GSDME: variants seen among roughly 807,000 people sequenced by gnomAD.
The protein encoded by GSDME is gasdermin E, also known as gasdermin-E.
GSDME carries 44 observed loss-of-function variants against 47.5 expected under a neutral mutation model. That is an observed-to-expected ratio of 0.93 (90% CI 0.73 to 1.19). The LOEUF (loss-of-function observed/expected upper bound fraction) is 1.19. GSDME is among the 50% of genes most tolerant of loss of function. GSDME has a pLI of 0.00. For synonymous variants in GSDME, 258 were observed against 252.8 expected (o/e 1.02, Z -0.20); for missense variants, 663 against 604.2 (o/e 1.10, Z -1.02).
chr7:24,792,250 G>T, the GSDME span, among the ~76,000 whole-genome samples: 2 of 152,154 alleles, frequency 1.3e-5, no homozygotes, highest in African/African-American at 4.8e-5. Context: ...TGAATGTATG[G>T]TTTCAGGAAA....
At chr7:24,719,919 C>A (rs1216019081) in intron 3 of GSDME, among the ~76,000 whole-genome samples, 1 of 152,076 alleles carries the variant, frequency 6.6e-6, no homozygotes, top group African/African-American at 2.4e-5. Flanking sequence ...ACAGCCATGG[C>A]CCAGGGAATA....
the GSDME span, among the ~76,000 whole-genome samples, chr7:24,782,287 A>G: frequency 3.5e-5 from 5 of 142,778 alleles, no homozygotes; most frequent in African/African-American, 5.3e-5. Flanking sequence ...TCATTGTTCA[A>G]TTCCCACCTA....
At chr7:24,740,235 T>C (rs928355916) in intron 3 of GSDME, among the ~76,000 whole-genome samples, 3 of 152,050 alleles carry the variant, frequency 2.0e-5, no homozygotes, top group Non-Finnish European at 2.9e-5. Context: ...ATTAAAACAA[T>C]TGACCTCATG....
the GSDME span, among the ~76,000 whole-genome samples, chr7:24,765,967 T>A: frequency 6.6e-6 from 1 of 152,190 alleles, no homozygotes; most frequent in African/African-American, 2.4e-5. Flanking sequence ...TGCCCTAACT[T>A]TTGATTACTG....
rs375535367 is a variant in GSDME, at chr7:24,719,197, A to G, written c.426T>C (p.Pro142=). ...TTCCTTCCAGCACCTGCTGGAGCAC[A>G]GGGTTTCTCAGATTTATTGTTCTGA... ...SAERTINLRN[P]VLQQVLEGRN... Residue 142 remains proline, a synonymous_variant, in exon 4 of 10, where the codon CCT becomes CCC. Coordinates refer to ENST00000645220, the MANE Select transcript of GSDME (RefSeq NM_001127453.2). 23 of 1,612,666 alleles carry G rather than the reference A, an allele frequency of 1.4e-5. No individual in the cohort carries two copies. Among genetic ancestry groups the G allele is most frequent in the African/African-American group, 1.2e-4 (9 of 74,928 alleles).
the GSDME span, among the ~76,000 whole-genome samples, chr7:24,784,449 C>T: frequency 3.0e-4 from 45 of 152,176 alleles, no homozygotes; most frequent in African/African-American, 1.0e-3. Flanking sequence ...CAGTATGTGG[C>T]TGAAGATCTG....
Position 24,702,631 on chromosome 7 carries a change from C to T in GSDME, c.1257+129G>A, listed in dbSNP as rs1788916003. 4 of 766,060 alleles carry T rather than the reference C, an allele frequency of 5.2e-6. No individual in the cohort carries two copies. In the Admixed American group the frequency reaches 7.1e-5, roughly 14 times the overall value. The allele number at this position is 766,060 out of a possible 1,614,324, so 47.5% of individuals were successfully genotyped here. On this transcript the variant is annotated intron_variant, in intron 9 of 9. Coordinates refer to ENST00000645220, the MANE Select transcript of GSDME (RefSeq NM_001127453.2). ...TATAAAAGTGGGGTTAATAACAATACTTACTTAATGTGTCTTGAAGAGCTG... is the reference window on the plus strand; with the variant it reads ...TATAAAAGTGGGGTTAATAACAATATTTACTTAATGTGTCTTGAAGAGCTG...
Position 24,754,485 on chromosome 7 carries a change from CA to C in GSDME, c.-20+2910del, listed in dbSNP as rs34712480. Among the ~76,000 whole-genome samples the C allele has an allele frequency of 0.17, 22,409 of 131,460 alleles. 1,870 individuals carry two copies. Among genetic ancestry groups the C allele is most frequent in the Non-Finnish European group, 0.23 (13,327 of 58,264 alleles). 86.2% of individuals were successfully genotyped at this position (131,460 alleles called of 152,430 possible). ...GGGCAACAAGAGCGAAACTTTGTCT[CA>C]AAAAAAAAAAAAAAAAGTTGTATTA... is the stretch of plus-strand genomic sequence containing the variant. On this transcript the variant is annotated intron_variant, in intron 1 of 9. Transcript: ENST00000645220. The surrounding 1 kb of genome is among the most constrained non-coding windows in gnomAD (Gnocchi z 5.0).
rs367551780 is a variant in GSDME, at chr7:24,746,540, A to T, written c.212-1786T>A. The stretch of plus-strand genomic sequence containing the variant: ...GGCCACAGAAATATCATTTTCTAAT[A>T]AACAGGACAGTCCTAGGTTCTACAA... On this transcript the variant is annotated intron_variant, in intron 2 of 9. Coordinates refer to ENST00000645220, the MANE Select transcript of GSDME (RefSeq NM_001127453.2). 9.8e-5 allele frequency among the ~76,000 whole-genome samples: 15 copies of T among 152,342 alleles called. 1 individual carries two copies. Among genetic ancestry groups the T allele is most frequent in the Admixed American group, 7.2e-4 (11 of 15,302 alleles).
upstream of GSDME, chr7:24,757,541 C>T (rs909342233): frequency 1.3e-5 from 2 of 151,746 alleles, no homozygotes; most frequent in Non-Finnish European, 2.9e-5. The surrounding 1 kb of genome is among the most constrained non-coding windows in gnomAD (Gnocchi z 5.9). Context: ...GTCCGGGCGC[C>T]CCAGAGCCGC....
chr7:24,707,498 C>T (rs1369228273), intron 7 of GSDME: 1 of 461,156 alleles, frequency 2.2e-6, no homozygotes, highest in Non-Finnish European at 4.5e-6. Context: ...TTATAGATTC[C>T]ACCACACGAC....
Position 24,700,226 on chromosome 7 carries a change from G to A in GSDME, c.1258-967C>T, listed in dbSNP as rs78161767. On this transcript the variant is annotated intron_variant, in intron 9 of 9. Transcript: ENST00000645220. ...CGTGAGAGCAGGGACCTTGTCTGCC[G>A]TGCCTACAACACAGACACTCAATGT... Among the ~76,000 whole-genome samples the A allele has an allele frequency of 7.0e-3, 1,060 of 152,164 alleles. 22 individuals are homozygous for A. The East Asian group carries it at 0.076, about 11-fold the overall frequency.
Position 24,699,202 on chromosome 7 carries a change from G to A in GSDME, c.1315C>T (p.Leu439=). ...SDLEDPTLTP[L]KDTERFGIVQ... ...ATCCCAAACCTTTCTGTATCTTTCA[G>A]GGGAGTCAAGGTTGGGTCTTCAAGA... is the stretch of plus-strand genomic sequence containing the variant. The change falls in exon 10 of 10, where the codon CTG becomes TTG. Residue 439 remains leucine, a synonymous_variant. Transcript: ENST00000645220. The A allele has an allele frequency of 1.9e-6, 3 of 1,614,154 alleles. No homozygotes were observed. The East Asian group carries it at 6.7e-5, about 36-fold the overall frequency.
At chr7:24,703,049 T>A (rs1788943234) in intron 8 of GSDME, 1 of 489,248 alleles carries the variant, frequency 2.0e-6, no homozygotes, top group Non-Finnish European at 3.9e-6. Context: ...CAGCTCTGCA[T>A]TCCACAGAGG....
chr7:24,716,533 A>G lies in GSDME; in HGVS notation c.697+721T>C, dbSNP rs1789560433. On this transcript the variant is annotated intron_variant, in intron 5 of 9. Transcript: ENST00000645220. This position sits in a 1 kb window ranked among gnomAD's most constrained non-coding sequence, Gnocchi z 4.5. ...CACACAGCTTTCATGAGTGAACACA[A>G]CCTCTTCTCATTGGGAACATGAGGA... is the stretch of plus-strand genomic sequence containing the variant. 6.5e-6 allele frequency: 1 copy of G among 153,392 alleles called. No individual in the cohort carries two copies. The highest frequency in any genetic ancestry group is 2.4e-5 in the African/African-American group (1 of 41,360). 9.5% of individuals were successfully genotyped at this position (153,392 alleles called of 1,614,324 possible).
At chr7:24,768,797 G>A in the GSDME span, among the ~76,000 whole-genome samples, 2 of 152,218 alleles carry the variant, frequency 1.3e-5, no homozygotes, top group Admixed American at 1.3e-4. The surrounding 1 kb of genome is among the most constrained non-coding windows in gnomAD (Gnocchi z 5.6). Flanking sequence ...AGCAGTTCCA[G>A]CAGAAACAGC....
chr7:24,764,896 G>A, the GSDME span, among the ~76,000 whole-genome samples: 1 of 152,218 alleles, frequency 6.6e-6, no homozygotes, highest in African/African-American at 2.4e-5. This position sits in a 1 kb window ranked among gnomAD's most constrained non-coding sequence, Gnocchi z 4.4. Context: ...AGTGCCTACT[G>A]TGTACCTGAA....
At chr7:24,771,997 C>G in the GSDME span, among the ~76,000 whole-genome samples, 3 of 152,218 alleles carry the variant, frequency 2.0e-5, no homozygotes, top group Non-Finnish European at 4.4e-5. This position sits in a 1 kb window ranked among gnomAD's most constrained non-coding sequence, Gnocchi z 4.1. Flanking sequence ...TCATGCGCAA[C>G]AGCCCCTTGT....
At chr7:24,789,333 T>C in the GSDME span, among the ~76,000 whole-genome samples, 2 of 151,154 alleles carry the variant, frequency 1.3e-5, no homozygotes, top group Admixed American at 6.6e-5. Flanking sequence ...AGACACAGAG[T>C]TGAGGAAGGA....
Sources: allele counts gnomAD v4.1 joint callset (sites outside exome capture counted in the v4.1 genomes callset), GRCh38; gene constraint gnomAD v4.1.1; non-coding constraint Gnocchi (gnomAD v3.1); transcripts MANE v1.5; gene names NCBI Gene and HGNC (gene_info 2026-07-23, HGNC 2026-07-21).